The following ATP5F1D variants were observed in gnomAD, a reference collection of about 807,000 sequenced individuals.
The protein encoded by ATP5F1D is ATP synthase F1 subunit delta, also known as ATP synthase F(1) complex subunit delta, mitochondrial.
ATP5F1D carries 16 observed loss-of-function variants against 13.0 expected under a neutral mutation model. The observed-to-expected ratio is 1.23, with a 90% CI of 0.83 to 1.87. The LOEUF (loss-of-function observed/expected upper bound fraction) is 1.87, where lower values mean the gene tolerates loss of function less well. ATP5F1D is among the 40% of genes most tolerant of loss of function. The pLI, the probability that ATP5F1D is intolerant of heterozygous loss-of-function variation, is 0.00. For synonymous variants in ATP5F1D, 129 were observed against 116.2 expected, an observed-to-expected ratio of 1.11 and a Z score of -0.71; for missense variants, 294 against 246.2, an observed-to-expected ratio of 1.19 and a Z score of -1.30.
chr19:1,244,269 G>A, intron 3 of ATP5F1D, 46 bp from the exon 4 acceptor site: 2 of 1,580,700 alleles, frequency 1.3e-6, no homozygotes, highest in Admixed American at 1.8e-5. Context: ...CCAGGAGCCG[G>A]GCTGGGGTCG....
At position 1,241,998 on chromosome 19, in the gene ATP5F1D, G is replaced by A; in HGVS notation, c.141+7G>A. On this transcript the variant is annotated splice_region_variant and intron_variant, in intron 1 of 3. Coordinates refer to ENST00000215375, the MANE Select transcript of ATP5F1D (RefSeq NM_001687.5). ...CTTCGCCTCTCCCACGCAGGTTCGG[G>A]CGCTGCGGGTCGGGACCCTCCGTGG... The A allele has an allele frequency of 7.0e-7, 1 of 1,435,300 alleles. No individual in the cohort carries two copies. Among genetic ancestry groups the A allele is most frequent in the Non-Finnish European group, 9.2e-7 (1 of 1,092,574 alleles). 88.9% of individuals were successfully genotyped at this position (1,435,300 alleles called of 1,614,324 possible). A position where few individuals can be genotyped will look rare whatever the true frequency, so the allele number is the denominator to read the frequency against.
intron 2 of ATP5F1D, 87 bp from the exon 3 acceptor site, chr19:1,244,010 C>T: frequency 7.5e-7 from 1 of 1,338,160 alleles, no homozygotes; most frequent in Admixed American, 2.1e-5. Context: ...TCCTGGTTCA[C>T]AGGGGGCTCT....
chr19:1,243,136 C>G (rs573630127), intron 2 of ATP5F1D: 1 of 152,466 alleles, frequency 6.6e-6, no homozygotes, highest in Non-Finnish European at 1.5e-5. Context: ...CTGGGCTGGC[C>G]GGTGATGAAA....
Position 1,241,837 on chromosome 19 carries a change from C to T in ATP5F1D, c.-14C>T, listed in dbSNP as rs985260640. ...TGTCCGCCAGCTACCCGCTTCCTGC[C>T]GCCCGCCGCTGCCATGCTGCCCGCC... On this transcript the variant is annotated 5_prime_UTR_variant, in exon 1 of 4. Coordinates refer to ENST00000215375, the MANE Select transcript of ATP5F1D (RefSeq NM_001687.5). The T allele has an allele frequency of 2.5e-5, 33 of 1,326,584 alleles. 1 individual carries two copies. The highest frequency in any genetic ancestry group is 8.1e-5 in the South Asian group (4 of 49,680). 82.2% of individuals were successfully genotyped at this position (1,326,584 alleles called of 1,614,324 possible).
In ATP5F1D at chr19:1,241,881, G is replaced by A; in HGVS notation, c.31G>A (p.Gly11Arg). The A allele has an allele frequency of 1.4e-6, 2 of 1,427,650 alleles. No individual in the cohort carries two copies. The highest frequency in any genetic ancestry group is 1.8e-6 in the Non-Finnish European group (2 of 1,092,290). The allele number at this position is 1,427,650 out of a possible 1,614,324, so 88.4% of individuals were successfully genotyped here. The change falls in exon 1 of 4, where the codon GGA (glycine) becomes AGA (arginine). Residue 11 changes from glycine (G) to arginine (R), a missense_variant. Physicochemically the swap from Gly to Arg is moderately radical, Grantham distance 125. Coordinates refer to ENST00000215375, the MANE Select transcript of ATP5F1D (RefSeq NM_001687.5). MLPAALLRRP[G>R]LGRLVRHARA... is the part of the protein sequence containing the mutation. ...GCCCGCCGCGCTGCTCCGCCGCCCG[G>A]GACTTGGCCGCCTCGTCCGCCACGC...
chr19:1,243,935 G>T, intron 2 of ATP5F1D, 162 bp from the exon 3 acceptor site: 2 of 688,842 alleles, frequency 2.9e-6, no homozygotes, highest in Admixed American at 2.9e-5. Context: ...CGCCATGTTG[G>T]GCCCAGGGCC....
chr19:1,244,406 CCAA>C lies in ATP5F1D; in HGVS notation c.478_480del (p.Asn160del). On this transcript the variant is annotated inframe_deletion, in exon 4 of 4. Coordinates refer to ENST00000215375, the MANE Select transcript of ATP5F1D (RefSeq NM_001687.5). ...GCAGAGATCCAGATCCGAATCGAGG[CCAA>C]CGAGGCCCTGGTGAAGGCCCTGGAG... 2 of 1,563,950 alleles carry C rather than the reference CCAA, an allele frequency of 1.3e-6. No homozygotes were observed. The highest frequency in any genetic ancestry group is 1.7e-6 in the Non-Finnish European group (2 of 1,154,090).
chr19:1,244,508 C>T lies in ATP5F1D; in HGVS notation c.*71C>T, dbSNP rs1221657670. On this transcript the variant is annotated 3_prime_UTR_variant, in exon 4 of 4. Transcript: ENST00000215375. ...GGATGCCAGGTGGGCCCAGCCAGCT[C>T]CTGGGGTCCCGGCCACCTGGGGAAG... 1.3e-6 allele frequency: 2 copies of T among 1,510,852 alleles called. No homozygotes were observed. Among genetic ancestry groups the T allele is most frequent in the African/African-American group, 1.4e-5 (1 of 71,822 alleles). 93.6% of individuals were successfully genotyped at this position (1,510,852 alleles called of 1,614,324 possible).
intron 1 of ATP5F1D, 172 bp downstream of exon 1, chr19:1,242,163 C>A (rs1286500756): frequency 3.1e-6 from 3 of 967,662 alleles, no homozygotes; most frequent in Non-Finnish European, 4.1e-6. Flanking sequence ...CCCTGCGCTG[C>A]CCTCGTCCCG....
chr19:1,243,155 G>A (rs527635773), intron 2 of ATP5F1D: 1 of 152,766 alleles, frequency 6.5e-6, no homozygotes, highest in South Asian at 2.0e-4. Context: ...AAGCGAACCA[G>A]AGGGGACCCT....
Position 1,244,621 on chromosome 19 carries a change from G to A in ATP5F1D, c.*184G>A. On this transcript the variant is annotated 3_prime_UTR_variant, in exon 4 of 4. Transcript: ENST00000215375. ...CCTGTGTTGAAAGCTCTGGGGACTG[G>A]GCCAGGGAAGCTCCTCCTCAGCTTT... 1.0e-6 allele frequency: 1 copy of A among 961,476 alleles called. No homozygotes were observed. The allele number at this position is 961,476 out of a possible 1,614,324, so 59.6% of individuals were successfully genotyped here.
chr19:1,241,835 G>A lies in ATP5F1D; in HGVS notation c.-16G>A. On this transcript the variant is annotated 5_prime_UTR_variant, in exon 1 of 4. Transcript: ENST00000215375. ...GCTGTCCGCCAGCTACCCGCTTCCT[G>A]CCGCCCGCCGCTGCCATGCTGCCCG... The A allele has an allele frequency of 7.6e-7, 1 of 1,324,096 alleles. No homozygotes were observed. The highest frequency in any genetic ancestry group is 9.6e-7 in the Non-Finnish European group (1 of 1,041,792). The allele number at this position is 1,324,096 out of a possible 1,614,324, so 82.0% of individuals were successfully genotyped here.
intron 2 of ATP5F1D, 33 bp downstream of exon 2, chr19:1,242,642 A>T (rs1327715939): frequency 6.8e-7 from 1 of 1,462,744 alleles, no homozygotes; most frequent in Admixed American, 2.5e-5. Context: ...GGGCCAGGCC[A>T]GGCTGGGGCT....
At chr19:1,244,266 C>T in intron 3 of ATP5F1D, 49 bp from the exon 4 acceptor site, 1 of 1,579,956 alleles carries the variant, frequency 6.3e-7, no homozygotes. Context: ...GGACCAGGAG[C>T]CGGGCTGGGG....
chr19:1,242,510 G>C lies in ATP5F1D; in HGVS notation c.196G>C (p.Ala66Pro). The C allele has an allele frequency of 6.4e-6, 10 of 1,553,006 alleles. No individual in the cohort carries two copies. Among genetic ancestry groups the C allele is most frequent in the Non-Finnish European group, 8.7e-6 (10 of 1,148,688 alleles). Residue 66 changes from alanine to proline, a missense_variant, in exon 2 of 4, where the codon GCC becomes CCC. Transcript: ENST00000215375. The stretch of plus-strand genomic sequence containing the variant: ...GGTGGACGTGCCCACGCTGACCGGA[G>C]CCTTCGGCATCCTGGCGGCCCACGT... ...RQVDVPTLTG[A>P]FGILAAHVPT...
chr19:1,242,221 C>T lies in ATP5F1D; in HGVS notation c.141+230C>T, dbSNP rs1005400903. 12 of 769,334 alleles carry T rather than the reference C, an allele frequency of 1.6e-5. No homozygotes were observed. The Admixed American group carries it at 3.8e-4, about 25-fold the overall frequency. The allele number at this position is 769,334 out of a possible 1,614,324, so 47.7% of individuals were successfully genotyped here. On this transcript the variant is annotated intron_variant, in intron 1 of 3. Transcript: ENST00000215375. ...CTCCTGGGTGCCCTCCCCGATCTCC[C>T]TGGCCAAAGCCTGGGTGTCGCCGGA...
chr19:1,244,331 T>C lies in ATP5F1D; in HGVS notation c.401T>C (p.Leu134Ser). 2 of 1,593,616 alleles carry C rather than the reference T, an allele frequency of 1.3e-6. No individual in the cohort carries two copies. The highest frequency in any genetic ancestry group is 2.3e-5 in the South Asian group (2 of 88,074). ...CCCTTGCAGGCAGCCAAGGCAAACT[T>C]GGAGAAGGCCCAGGCGGAGCTGGTG... The part of the protein sequence containing the change: ...MLDLGAAKAN[L>S]EKAQAELVGT... Residue 134 changes from leucine to serine, a missense_variant, in exon 4 of 4, where the codon TTG (leucine) becomes TCG (serine). Transcript: ENST00000215375.
rs200593395 is a variant in ATP5F1D, at chr19:1,244,402, G to A, written c.472G>A (p.Glu158Lys). Residue 158 changes from glutamate to lysine, a missense_variant, in exon 4 of 4, where the codon GAG becomes AAG. Physicochemically the swap from Glu to Lys is moderately conservative, Grantham distance 56 (BLOSUM62 1). Coordinates refer to ENST00000215375, the MANE Select transcript of ATP5F1D (RefSeq NM_001687.5). ...ATRAEIQIRI[E>K]ANEALVKALE ...GCGGGCAGAGATCCAGATCCGAATC[G>A]AGGCCAACGAGGCCCTGGTGAAGGC... 3 of 1,564,110 alleles carry A rather than the reference G, an allele frequency of 1.9e-6. No homozygotes were observed. The highest frequency in any genetic ancestry group is 2.4e-5 in the East Asian group (1 of 42,448).
rs1029411408 is a variant in ATP5F1D, at chr19:1,242,278, A to G, written c.142-178A>G. The G allele has an allele frequency of 4.8e-6, 4 of 831,552 alleles. No individual in the cohort carries two copies. The African/African-American group carries it at 7.2e-5, about 15-fold the overall frequency. The allele number at this position is 831,552 out of a possible 1,614,324, so 51.5% of individuals were successfully genotyped here. ...CATTCCCATTTCGCGGATCAGTAGAATGAGGCGCAACTGTTGAGGACCAAA... is the reference window on the plus strand; with the variant it reads ...CATTCCCATTTCGCGGATCAGTAGAGTGAGGCGCAACTGTTGAGGACCAAA... On this transcript the variant is annotated intron_variant, in intron 1 of 3. Transcript: ENST00000215375.
Sources: allele counts gnomAD v4.1 joint callset, GRCh38; gene constraint gnomAD v4.1.1; transcripts MANE v1.5; gene names NCBI Gene and HGNC (gene_info 2026-07-23, HGNC 2026-07-21).